COG6: variants seen among roughly 807,000 people sequenced by gnomAD.
COG6 encodes component of oligomeric golgi complex 6.
In COG6, 74 loss-of-function variants were observed where a neutral mutation model predicts 88.8. The ratio of observed to expected loss-of-function variants is 0.83; its 90% CI spans 0.69 to 1.01. The LOEUF (loss-of-function observed/expected upper bound fraction) is 1.01. Among genes scored for constraint, COG6 ranks in the 50% least tolerant of loss-of-function variants. The pLI is 0.00. For synonymous variants in COG6, 286 were observed against 278.7 expected (o/e 1.03, Z -0.26); for missense variants, 800 against 797.9 (o/e 1.00, Z -0.03).
chr13:39,722,331 T>C lies in COG6; in HGVS notation c.1585-1002T>C, dbSNP rs143791348. Among the ~76,000 whole-genome samples the C allele has an allele frequency of 6.0e-3, 916 of 151,924 alleles. 8 individuals carry two copies. The highest frequency in any genetic ancestry group is 0.02 in the African/African-American group (847 of 41,466). On this transcript the variant is annotated intron_variant, in intron 15 of 18. Transcript: ENST00000455146. ...TATTTAAAAAAAAAAAAAATGAAAG[T>C]ACTTTATGTCTTTCAGTAGTGTTGC...
At chr13:39,707,717 A>T (rs1041243500) in intron 13 of COG6, among the ~76,000 whole-genome samples, 3 of 152,170 alleles carry the variant, frequency 2.0e-5, no homozygotes, top group African/African-American at 7.2e-5. Context: ...TATATTTTGC[A>T]TGTTCAGTAG....
chr13:39,735,195 C>A (rs1173144061), intron 18 of COG6, among the ~76,000 whole-genome samples: 4 of 151,510 alleles, frequency 2.6e-5, no homozygotes, highest in African/African-American at 9.7e-5. Flanking sequence ...TCCTTCTTGT[C>A]TCTTTTTTAG....
chr13:39,710,777 A>G (rs1362730054), intron 13 of COG6, among the ~76,000 whole-genome samples: 1 of 152,074 alleles, frequency 6.6e-6, no homozygotes, highest in Non-Finnish European at 1.5e-5. Flanking sequence ...ATTTCATACA[A>G]ACTCTAAGTT....
At chr13:39,733,662 C>T (rs540770884) in intron 18 of COG6, among the ~76,000 whole-genome samples, 38 of 151,426 alleles carry the variant, frequency 2.5e-4, no homozygotes, top group Middle Eastern at 3.4e-3. Context: ...ATAGAATGAA[C>T]GTGGAAGTAT....
At chr13:39,678,904 A>C (rs1876135202) in intron 5 of COG6, among the ~76,000 whole-genome samples, 1 of 139,296 alleles carries the variant, frequency 7.2e-6, no homozygotes, top group Non-Finnish European at 1.5e-5. Flanking sequence ...CCTTGGTAGA[A>C]ATTAGAAAAT....
At position 39,680,048 on chromosome 13, in the gene COG6, A is replaced by G. The variant is rs762734768; in HGVS notation, c.694+3A>G. 1 of 1,550,304 alleles carries G rather than the reference A, an allele frequency of 6.5e-7. No homozygotes were observed. Among genetic ancestry groups the G allele is most frequent in the South Asian group, 1.1e-5 (1 of 88,240 alleles). Reference sequence around the variant, plus strand: ...AAGACTTTACCGATGGGCTCAAAGTAAGTGATTTCTTTTATGTTGTCTAGA... The same window carrying G: ...AAGACTTTACCGATGGGCTCAAAGTGAGTGATTTCTTTTATGTTGTCTAGA... On this transcript the variant is annotated splice_donor_region_variant and intron_variant, in intron 7 of 18. Coordinates refer to ENST00000455146, the MANE Select transcript of COG6 (RefSeq NM_020751.3).
intron 15 of COG6, 56 bp from the exon 16 acceptor site, chr13:39,723,277 C>T (rs1392488917): frequency 9.2e-7 from 1 of 1,085,538 alleles, no homozygotes; most frequent in East Asian, 2.4e-5. Flanking sequence ...GGCACTGCAT[C>T]TACTCTCATC....
chr13:39,691,938 A>T (rs564088815), intron 11 of COG6, among the ~76,000 whole-genome samples: 1 of 146,784 alleles, frequency 6.8e-6, no homozygotes, highest in South Asian at 2.2e-4. Flanking sequence ...GTAGATATGA[A>T]TTTTTTTTGG....
intron 18 of COG6, among the ~76,000 whole-genome samples, chr13:39,759,779 T>C (rs1297374709): frequency 6.6e-6 from 1 of 152,130 alleles, no homozygotes; most frequent in Non-Finnish European, 1.5e-5. Flanking sequence ...TTAATGCCAG[T>C]GAATGTTAAA....
chr13:39,781,234 A>G (rs1000342637), intron 18 of COG6, among the ~76,000 whole-genome samples: 2 of 152,172 alleles, frequency 1.3e-5, no homozygotes, highest in African/African-American at 2.4e-5. Context: ...TGCTACCCAC[A>G]TAATACATGG....
At chr13:39,710,274 A>T (rs1340941176) in intron 13 of COG6, among the ~76,000 whole-genome samples, 1 of 151,688 alleles carries the variant, frequency 6.6e-6, no homozygotes, top group Non-Finnish European at 1.5e-5. Context: ...TTTCTCTTTA[A>T]ATTTTATTTT....
At chr13:39,727,420 G>C (rs748769669) in intron 17 of COG6, 49 bp from the exon 18 acceptor site, 1 of 1,347,598 alleles carries the variant, frequency 7.4e-7, no homozygotes, top group Non-Finnish European at 1.1e-6. Context: ...TGAGTTGTTT[G>C]TTAGCACATA....
At chr13:39,677,089 A>G (rs1876016419) in intron 4 of COG6, among the ~76,000 whole-genome samples, 1 of 152,188 alleles carries the variant, frequency 6.6e-6, no homozygotes, top group Non-Finnish European at 1.5e-5. Flanking sequence ...TAGTGACTGA[A>G]AAGAAATTGG....
intron 16 of COG6, among the ~76,000 whole-genome samples, chr13:39,724,020 A>C (rs1415427650): frequency 3.3e-5 from 5 of 152,010 alleles, no homozygotes; most frequent in Non-Finnish European, 5.9e-5. Context: ...TAAGAAAGCA[A>C]AGAACTCATT....
intron 4 of COG6, among the ~76,000 whole-genome samples, chr13:39,672,928 T>C (rs1200720840): frequency 1.3e-5 from 2 of 152,198 alleles, no homozygotes; most frequent in African/African-American, 2.4e-5. Flanking sequence ...ATAGCCATGC[T>C]ACTGGGTGTG....
At chr13:39,700,094 C>G (rs1427042852) in intron 13 of COG6, among the ~76,000 whole-genome samples, 1 of 151,844 alleles carries the variant, frequency 6.6e-6, no homozygotes, top group East Asian at 1.9e-4. Context: ...AAACAAACAA[C>G]AAAATCCTCA....
intron 18 of COG6, among the ~76,000 whole-genome samples, chr13:39,767,249 A>G (rs1193678777): frequency 6.6e-6 from 1 of 152,184 alleles, no homozygotes; most frequent in Non-Finnish European, 1.5e-5. Context: ...TGACATTTTA[A>G]TGTGTGAGGG....
downstream of COG6, among the ~76,000 whole-genome samples, chr13:39,757,427 A>C (rs144122458): frequency 0.015 from 2,207 of 152,126 alleles, 41 homozygotes; most frequent in Non-Finnish European, 0.021. Context: ...AACTAAACCT[A>C]ATGCAAGAAA....
intron 18 of COG6, among the ~76,000 whole-genome samples, chr13:39,777,784 T>C (rs1881507933): frequency 6.6e-6 from 1 of 152,162 alleles, no homozygotes; most frequent in Non-Finnish European, 1.5e-5. Context: ...ATTTCCTTGA[T>C]ACTGAAAAAA....
Sources: gnomAD v4.1 joint callset for allele counts (sites outside exome capture counted in the v4.1 genomes callset) on GRCh38, gnomAD v4.1.1 for gene constraint, MANE v1.5 for transcripts, NCBI Gene and HGNC (gene_info 2026-07-23, HGNC 2026-07-21) for gene names.